Variants in MAP3K13 observed in about 807,000 individuals in gnomAD.
MAP3K13 encodes the protein leucine zipper-bearing kinase.
MAP3K13 carries 52 observed loss-of-function variants against 104.0 expected under a neutral mutation model. That is an observed-to-expected ratio of 0.50 (90% CI 0.40 to 0.63). MAP3K13 has a LOEUF of 0.63. Ranked by LOEUF, MAP3K13 falls within the 20% of genes least tolerant of loss-of-function variation. The pLI is 0.00. For synonymous variants in MAP3K13, 394 were observed against 442.2 expected, an observed-to-expected ratio of 0.89 and a Z score of 1.37; for missense variants, 914 against 1,218.5, an observed-to-expected ratio of 0.75 and a Z score of 3.72.
At chr3:185,425,763 C>A (rs1456819011) in intron 1 of MAP3K13, among the ~76,000 whole-genome samples, 2 of 152,200 alleles carry the variant, frequency 1.3e-5, no homozygotes, top group Non-Finnish European at 2.9e-5. Flanking sequence ...AATGCCTAGT[C>A]TTTCTTTCCT....
intron 1 of MAP3K13, among the ~76,000 whole-genome samples, chr3:185,427,994 A>T (rs1289141680): frequency 6.6e-6 from 1 of 151,678 alleles, no homozygotes; most frequent in East Asian, 1.9e-4. Flanking sequence ...CAGGAGAATC[A>T]CTTCAACCTG....
At chr3:185,470,777 G>A (rs1245695293) in intron 10 of MAP3K13, among the ~76,000 whole-genome samples, 1 of 152,122 alleles carries the variant, frequency 6.6e-6, no homozygotes, top group African/African-American at 2.4e-5. Context: ...CATATGAGGG[G>A]ACTTCAAAAA....
At chr3:185,289,411 A>G (rs947935143) in intron 2 of MAP3K13, among the ~76,000 whole-genome samples, 5 of 152,144 alleles carry the variant, frequency 3.3e-5, no homozygotes, top group African/African-American at 1.2e-4. Flanking sequence ...TTAAATACTG[A>G]TAGCTAACAT....
At chr3:185,374,757 C>T (rs1364438502) in intron 1 of MAP3K13, among the ~76,000 whole-genome samples, 1 of 150,082 alleles carries the variant, frequency 6.7e-6, no homozygotes, top group East Asian at 2.0e-4. Context: ...CATAGAGTCC[C>T]CCTTTTTTTT....
intron 2 of MAP3K13, among the ~76,000 whole-genome samples, chr3:185,286,439 G>T (rs1720514410): frequency 6.6e-6 from 1 of 151,314 alleles, no homozygotes; most frequent in Non-Finnish European, 1.5e-5. Context: ...AGATCTATTT[G>T]GCCTTACACA....
At chr3:185,406,457 G>C (rs754884428) in intron 1 of MAP3K13, among the ~76,000 whole-genome samples, 26 of 152,212 alleles carry the variant, frequency 1.7e-4, no homozygotes, top group Non-Finnish European at 3.4e-4. Context: ...AAGAAAGAAA[G>C]AGGGAATAAA....
chr3:185,292,934 T>C lies in MAP3K13; in HGVS notation c.-86+7291T>C, dbSNP rs1720794123. ...TTTACTAAAATGTGACCCTCATTTT[T>C]CTTTACATGAAAGAACATAGAATAT... On this transcript the variant is annotated intron_variant, in intron 2 of 14. Coordinates refer to the MAP3K13 transcript ENST00000424227. 3 of 984,160 alleles carry C rather than the reference T, an allele frequency of 3.0e-6. No individual in the cohort carries two copies. In the South Asian group the frequency reaches 1.4e-4, roughly 46 times the overall value. The allele number at this position is 984,160 out of a possible 1,614,324, so 61.0% of individuals were successfully genotyped here.
upstream of MAP3K13, chr3:185,363,051 A>C: frequency 1.0e-6 from 1 of 984,602 alleles, no homozygotes; most frequent in Non-Finnish European, 1.2e-6. Context: ...TTCTGTGACC[A>C]GATTCCTTCT....
At chr3:185,313,688 AT>A (rs1457406246) in intron 2 of MAP3K13, among the ~76,000 whole-genome samples, 3 of 151,832 alleles carry the variant, frequency 2.0e-5, no homozygotes, top group Admixed American at 6.6e-5. Context: ...AAAAGTAAAA[AT>A]TTTGTAAAAT....
At chr3:185,441,946 C>G (rs1022296977) in intron 3 of MAP3K13, among the ~76,000 whole-genome samples, 1 of 150,674 alleles carries the variant, frequency 6.6e-6, no homozygotes, top group African/African-American at 2.4e-5. Flanking sequence ...GAGGCTGAGA[C>G]AGGAGAATTG....
chr3:185,473,010 C>T lies in MAP3K13; in HGVS notation c.1679C>T (p.Thr560Ile). The part of the protein sequence containing the change: ...DLLRSEGIPT[T>I]EVAPTASPLS... The stretch of plus-strand genomic sequence containing the variant: ...TTGAGATCAGAAGGGATCCCCACCA[C>T]AGAAGTGGCTCCCACTGCATCCCCT... The change falls in exon 11 of 14, where the codon ACA becomes ATA. Residue 560 changes from threonine (T) to isoleucine (I), a missense_variant. Physicochemically the swap from Thr to Ile is moderately conservative, Grantham distance 89 (BLOSUM62 -1). Coordinates refer to ENST00000265026, the MANE Select transcript of MAP3K13 (RefSeq NM_004721.5). This position sits in a 1 kb window ranked among gnomAD's most constrained non-coding sequence, Gnocchi z 4.9. 2.5e-6 allele frequency: 4 copies of T among 1,614,182 alleles called. No individual in the cohort carries two copies. The highest frequency in any genetic ancestry group is 1.3e-5 in the African/African-American group (1 of 75,016).
At position 185,418,722 on chromosome 3, in the gene MAP3K13, G is replaced by A; in HGVS notation, c.-85-9775G>A. 6.2e-7 allele frequency: 1 copy of A among 1,610,480 alleles called. No individual in the cohort carries two copies. Among genetic ancestry groups the A allele is most frequent in the Admixed American group, 1.7e-5 (1 of 59,992 alleles). On this transcript the variant is annotated intron_variant, in intron 1 of 13. Coordinates refer to ENST00000265026, the MANE Select transcript of MAP3K13 (RefSeq NM_004721.5). This position sits in a 1 kb window ranked among gnomAD's most constrained non-coding sequence, Gnocchi z 4.5. ...ATACAGCAGGCTAAGTGACATTTTTGCCAGATGACTCCCCCTTTTCGGAGT... is the reference window on the plus strand; with the variant it reads ...ATACAGCAGGCTAAGTGACATTTTTACCAGATGACTCCCCCTTTTCGGAGT...
intron 2 of MAP3K13, among the ~76,000 whole-genome samples, chr3:185,303,456 T>G (rs1721176815): frequency 6.6e-6 from 1 of 152,150 alleles, no homozygotes; most frequent in Non-Finnish European, 1.5e-5. Context: ...CTGGCTGTTT[T>G]TGTTGTTGTT....
At chr3:185,297,925 A>G (rs1192692383) in intron 2 of MAP3K13, among the ~76,000 whole-genome samples, 1 of 151,398 alleles carries the variant, frequency 6.6e-6, no homozygotes, top group African/African-American at 2.4e-5. Context: ...TGTACAGTAC[A>G]TGTCTTTCTG....
intron 2 of MAP3K13, among the ~76,000 whole-genome samples, chr3:185,345,024 AG>A (rs1722865925): frequency 6.6e-6 from 1 of 151,764 alleles, no homozygotes. Flanking sequence ...CACCATGCCC[AG>A]CTAATTTTTG....
intron 1 of MAP3K13, chr3:185,417,670 G>A: frequency 3.1e-6 from 5 of 1,612,414 alleles, no homozygotes; most frequent in Non-Finnish European, 4.2e-6. Context: ...GCCTGCAACC[G>A]CCGCCTTTTC....
chr3:185,455,401 GAT>G (rs780722710), intron 7 of MAP3K13, among the ~76,000 whole-genome samples: 497 of 28,880 alleles, frequency 0.017, 90 homozygotes, highest in Middle Eastern at 0.056. Flanking sequence ...TCATATATGA[GAT>G]ATATATATGA....
chr3:185,388,496 T>G (rs552881493), intron 1 of MAP3K13, among the ~76,000 whole-genome samples: 1 of 151,952 alleles, frequency 6.6e-6, no homozygotes, highest in South Asian at 2.1e-4. Context: ...AGTGAGACCC[T>G]GGCTCAAAAA....
chr3:185,416,415 A>G (rs1383597675), intron 1 of MAP3K13, among the ~76,000 whole-genome samples: 1 of 151,856 alleles, frequency 6.6e-6, no homozygotes, highest in Non-Finnish European at 1.5e-5. Flanking sequence ...TATCTCGTAT[A>G]ATCATCTACT....
Sources: gnomAD v4.1 joint callset for allele counts (sites outside exome capture counted in the v4.1 genomes callset) on GRCh38, gnomAD v4.1.1 for gene constraint, Gnocchi (gnomAD v3.1) non-coding constraint, MANE v1.5 for transcripts, NCBI Gene and HGNC (gene_info 2026-07-23, HGNC 2026-07-21) for gene names.